LRCH1: variants seen among roughly 807,000 people sequenced by gnomAD.
The protein encoded by LRCH1 is leucine rich repeats and calponin homology domain containing 1.
Under a neutral mutation model 94.9 loss-of-function variants are expected in LRCH1, and 23 were observed. That is an observed-to-expected ratio of 0.24 (90% CI 0.17 to 0.34). The LOEUF (loss-of-function observed/expected upper bound fraction) is 0.34, where lower values mean the gene tolerates loss of function less well. Ranked by LOEUF, LRCH1 falls within the 10% of genes least tolerant of loss-of-function variation. The pLI, the probability that LRCH1 is intolerant of heterozygous loss-of-function variation, is 1.00. For synonymous variants in LRCH1, 364 were observed against 354.9 expected, an observed-to-expected ratio of 1.03 and a Z score of -0.29; for missense variants, 790 against 945.9, an observed-to-expected ratio of 0.84 and a Z score of 2.16.
At chr13:46,605,531 C>CCTCCTT (rs1009767880) in intron 1 of LRCH1, among the ~76,000 whole-genome samples, 2 of 151,906 alleles carry the variant, frequency 1.3e-5, no homozygotes, top group African/African-American at 2.4e-5. Context: ...TCCTCCTCCT[C>CCTCCTT]CTCCTTCCTA....
chr13:46,604,537 G>C (rs969420687), intron 1 of LRCH1, among the ~76,000 whole-genome samples: 4 of 152,184 alleles, frequency 2.6e-5, no homozygotes, highest in Admixed American at 2.6e-4. Context: ...TCAATTGTTT[G>C]CCTTTCTTCC....
intron 18 of LRCH1, among the ~76,000 whole-genome samples, chr13:46,732,620 A>G (rs1231597668): frequency 6.6e-6 from 1 of 152,238 alleles, no homozygotes; most frequent in Non-Finnish European, 1.5e-5. Context: ...GGAGTTTCAG[A>G]AAAGACTCAC....
Position 46,615,457 on chromosome 13 carries a change from A to T in LRCH1, c.308-34744A>T, listed in dbSNP as rs372695141. On this transcript the variant is annotated intron_variant, in intron 1 of 19. Transcript: ENST00000389797. ...CGTCCCTGTGACCCAAACGCCTCCC[A>T]CTAGGCCTCACCTCCAACATTGGAG... Among the ~76,000 whole-genome samples the T allele has an allele frequency of 1.1e-4, 17 of 152,254 alleles. 1 individual carries two copies. In the East Asian group the frequency reaches 2.9e-3, roughly 26 times the overall value.
Position 46,701,167 on chromosome 13 carries a change from C to G in LRCH1, c.1360C>G (p.Gln454Glu). ...GGACATGGATATAGCAATGATCGAG[C>G]AGCTGAGAGAAGCAGTAGATTTGCT... is the stretch of plus-strand genomic sequence containing the variant. Reference protein sequence around the residue: ...DQDMDIAMIEQLREAVDLLQD... With the variant: ...DQDMDIAMIEELREAVDLLQD... Residue 454 changes from glutamine to glutamate, a missense_variant, in exon 11 of 20, where the codon CAG (glutamine) becomes GAG (glutamate). Gln to Glu is a conservative substitution (Grantham distance 29). Coordinates refer to ENST00000389797, the MANE Select transcript of LRCH1 (RefSeq NM_001164211.2). 2 of 1,613,746 alleles carry G rather than the reference C, an allele frequency of 1.2e-6. No homozygotes were observed. Among genetic ancestry groups the G allele is most frequent in the Non-Finnish European group, 1.7e-6 (2 of 1,179,692 alleles).
At chr13:46,595,869 T>TTTG (rs1373853389) in intron 1 of LRCH1, among the ~76,000 whole-genome samples, 2 of 151,212 alleles carry the variant, frequency 1.3e-5, no homozygotes, top group Non-Finnish European at 3.0e-5. Flanking sequence ...CTCACATTGT[T>TTTG]TTTTTTTTTT....
rs1356816880 is a variant in LRCH1 at position 46,669,160 on chromosome 13, T to A, written c.579+4T>A. 13 of 1,613,038 alleles carry A rather than the reference T, an allele frequency of 8.1e-6. No individual in the cohort carries two copies. Among genetic ancestry groups the A allele is most frequent in the Non-Finnish European group, 1.0e-5 (12 of 1,179,512 alleles). Reference sequence around the variant, plus strand: ...GCTCAAACAGTTAATGGAGCTGGTATGTTACCGATTTTTAAGATGCTCTTT... The same window carrying A: ...GCTCAAACAGTTAATGGAGCTGGTAAGTTACCGATTTTTAAGATGCTCTTT... On this transcript the variant is annotated splice_donor_region_variant and intron_variant, in intron 3 of 19. Transcript: ENST00000389797.
intron 7 of LRCH1, 62 bp from the exon 8 acceptor site, chr13:46,692,474 A>G: frequency 1.7e-6 from 2 of 1,146,660 alleles, no homozygotes; most frequent in East Asian, 2.4e-5. Flanking sequence ...ATTACATAGC[A>G]TTCTCCTTAT....
chr13:46,587,469 A>AG (rs1301288285), intron 1 of LRCH1, among the ~76,000 whole-genome samples: 1 of 152,270 alleles, frequency 6.6e-6, no homozygotes, highest in Non-Finnish European at 1.5e-5. Context: ...ATGTGAAAGA[A>AG]GAAGGTATCA....
intron 15 of LRCH1, among the ~76,000 whole-genome samples, chr13:46,714,097 A>C (rs1031218501): frequency 6.6e-6 from 1 of 152,256 alleles, no homozygotes; most frequent in African/African-American, 2.4e-5. Flanking sequence ...CTGTTAAACC[A>C]TTTCACATTC....
intron 1 of LRCH1, among the ~76,000 whole-genome samples, chr13:46,558,898 G>A (rs1440718580): frequency 2.6e-5 from 4 of 152,174 alleles, no homozygotes; most frequent in African/African-American, 4.8e-5. Flanking sequence ...TGAGGACTCC[G>A]GAAATGGCTG....
At chr13:46,671,185 C>T (rs951970777) in intron 3 of LRCH1, among the ~76,000 whole-genome samples, 9 of 152,240 alleles carry the variant, frequency 5.9e-5, no homozygotes, top group African/African-American at 2.2e-4. Flanking sequence ...TTCCTCCCCG[C>T]TCCTTTCTTG....
At chr13:46,648,776 T>C (rs1297402562) in intron 1 of LRCH1, among the ~76,000 whole-genome samples, 1 of 152,196 alleles carries the variant, frequency 6.6e-6, no homozygotes, top group Non-Finnish European at 1.5e-5. Flanking sequence ...TTTGCCCTTT[T>C]GCTATTATCA....
Position 46,712,128 on chromosome 13 carries a change from C to T in LRCH1, c.1581+284C>T, listed in dbSNP as rs149504244. Reference sequence around the variant, plus strand: ...GGAAACATTTAGAATGTCTTGTTCTCCATAAATGATTCAGTGTGTGATTCA... The same window carrying T: ...GGAAACATTTAGAATGTCTTGTTCTTCATAAATGATTCAGTGTGTGATTCA... On this transcript the variant is annotated intron_variant, in intron 14 of 19. Transcript: ENST00000389797. Among the ~76,000 whole-genome samples the T allele has an allele frequency of 2.6e-4, 40 of 152,282 alleles. No individual in the cohort carries two copies. The East Asian group carries it at 4.8e-3, about 18-fold the overall frequency.
At chr13:46,597,603 A>G (rs1346712010) in intron 1 of LRCH1, among the ~76,000 whole-genome samples, 1 of 152,054 alleles carries the variant, frequency 6.6e-6, no homozygotes, top group Admixed American at 6.6e-5. Flanking sequence ...GTGATCCACC[A>G]GCCTTGGCCT....
intron 1 of LRCH1, among the ~76,000 whole-genome samples, chr13:46,632,733 A>G (rs1334389973): frequency 1.3e-5 from 2 of 152,242 alleles, no homozygotes; most frequent in Non-Finnish European, 2.9e-5. Flanking sequence ...TTTGTTATTC[A>G]TGAATTCTAG....
intron 3 of LRCH1, among the ~76,000 whole-genome samples, chr13:46,672,652 C>T (rs768078803): frequency 4.6e-5 from 7 of 152,220 alleles, no homozygotes; most frequent in Non-Finnish European, 7.3e-5. Flanking sequence ...TCGGGTGGCT[C>T]TAAGGGACAC....
chr13:46,620,122 G>A (rs1327152419), intron 1 of LRCH1, among the ~76,000 whole-genome samples: 1 of 152,194 alleles, frequency 6.6e-6, no homozygotes, highest in Non-Finnish European at 1.5e-5. Context: ...AAAAGGTATA[G>A]AGTCCAAACT....
intron 2 of LRCH1, among the ~76,000 whole-genome samples, chr13:46,664,851 G>A (rs2051495069): frequency 6.6e-6 from 1 of 152,144 alleles, no homozygotes; most frequent in Non-Finnish European, 1.5e-5. Context: ...TGATTTACCT[G>A]ATTTGTGGCA....
intron 1 of LRCH1, among the ~76,000 whole-genome samples, chr13:46,565,783 C>G (rs2050176160): frequency 6.7e-6 from 1 of 149,736 alleles, no homozygotes; most frequent in Admixed American, 6.7e-5. Flanking sequence ...GCACTCCAGC[C>G]TGGGTGACAG....
Sources: allele counts gnomAD v4.1 joint callset (sites outside exome capture counted in the v4.1 genomes callset), GRCh38; gene constraint gnomAD v4.1.1; transcripts MANE v1.5; gene names NCBI Gene and HGNC (gene_info 2026-07-23, HGNC 2026-07-21).